Variants in INPP5D observed in about 807,000 individuals in gnomAD.
INPP5D encodes inositol polyphosphate-5-phosphatase D.
A neutral mutation model predicts 122.9 loss-of-function variants in INPP5D; 33 were observed. The observed-to-expected ratio is 0.27, with a 90% CI of 0.20 to 0.36. The LOEUF (loss-of-function observed/expected upper bound fraction) is 0.36, where lower values mean the gene tolerates loss of function less well. Among genes scored for constraint, INPP5D ranks in the 10% least tolerant of loss-of-function variants. INPP5D has a pLI of 1.00. For synonymous variants in INPP5D, 584 were observed against 576.2 expected (o/e 1.01, Z -0.19); for missense variants, 1,053 against 1,412.7 (o/e 0.75, Z 4.08).
At position 233,125,936 on chromosome 2, in the gene INPP5D, G is replaced by C. The variant is rs1426324969; in HGVS notation, c.524+17G>C. 6.2e-7 allele frequency: 1 copy of C among 1,609,344 alleles called. No individual in the cohort carries two copies. The highest frequency in any genetic ancestry group is 8.5e-7 in the Non-Finnish European group (1 of 1,177,540). ...CACCAGTGGGTGAGTCCCCACTCAA[G>C]TCCAGCTGGGCCTTCATCTGCAGTG... On this transcript the variant is annotated intron_variant, in intron 4 of 26. Coordinates refer to ENST00000445964, the MANE Select transcript of INPP5D (RefSeq NM_001017915.3).
Position 233,164,213 on chromosome 2 carries a change from C to T in INPP5D, c.1438-94C>T, listed in dbSNP as rs1017760169. 5.4e-6 allele frequency: 8 copies of T among 1,470,498 alleles called. No homozygotes were observed. In the African/African-American group the frequency reaches 9.8e-5, roughly 18 times the overall value. 91.1% of individuals were successfully genotyped at this position (1,470,498 alleles called of 1,614,324 possible). A position where few individuals can be genotyped will look rare whatever the true frequency, so the allele number is the denominator to read the frequency against. On this transcript the variant is annotated intron_variant, in intron 12 of 26. Transcript: ENST00000445964. This position sits in a 1 kb window ranked among gnomAD's most constrained non-coding sequence, Gnocchi z 4.3. ...GGGATTACAGACAGGATACCCCATA[C>T]CCAGGGGCTGCGGCTGGGGCTGGGT...
At chr2:233,111,248 A>T (rs543716683) in intron 2 of INPP5D, among the ~76,000 whole-genome samples, 14 of 152,178 alleles carry the variant, frequency 9.2e-5, no homozygotes, top group African/African-American at 3.4e-4. Flanking sequence ...ATGAAACACC[A>T]CCATCTAATT....
intron 4 of INPP5D, 92 bp downstream of exon 4, chr2:233,126,011 G>T: frequency 7.8e-7 from 1 of 1,278,560 alleles, no homozygotes; most frequent in Non-Finnish European, 1.1e-6. Flanking sequence ...CCTAGTTATG[G>T]GCCTGGTGAC....
At chr2:233,066,767 C>T (rs1057321652) in intron 1 of INPP5D, among the ~76,000 whole-genome samples, 4 of 149,784 alleles carry the variant, frequency 2.7e-5, no homozygotes, top group Non-Finnish European at 3.0e-5. Context: ...CCACCATGCC[C>T]GGCTAATTTT....
intron 22 of INPP5D, among the ~76,000 whole-genome samples, chr2:233,191,047 C>T (rs1448704982): frequency 6.6e-6 from 1 of 152,128 alleles, no homozygotes; most frequent in African/African-American, 2.4e-5. Context: ...GGGAAAGGGT[C>T]TGTATTAGTC....
chr2:233,193,418 C>G (rs1214971951), intron 22 of INPP5D, among the ~76,000 whole-genome samples: 1 of 152,210 alleles, frequency 6.6e-6, no homozygotes, highest in African/African-American at 2.4e-5. Context: ...GCTGCAGATA[C>G]TGTTCCCAAT....
chr2:233,192,402 C>T (rs1396649705), intron 22 of INPP5D, among the ~76,000 whole-genome samples: 1 of 152,158 alleles, frequency 6.6e-6, no homozygotes, highest in Non-Finnish European at 1.5e-5. Context: ...CAGTCTCATT[C>T]CAGTAATCAT....
intron 1 of INPP5D, among the ~76,000 whole-genome samples, chr2:233,070,787 C>G (rs879327411): frequency 1.3e-5 from 2 of 152,094 alleles, no homozygotes; most frequent in African/African-American, 2.4e-5. Flanking sequence ...GTTCCCCTTT[C>G]GAAAACCAGT....
intron 17 of INPP5D, among the ~76,000 whole-genome samples, chr2:233,174,251 T>C (rs1694564137): frequency 6.6e-6 from 1 of 152,280 alleles, no homozygotes; most frequent in Non-Finnish European, 1.5e-5. Flanking sequence ...TGTACTGTTA[T>C]GCTTTTACAC....
intron 22 of INPP5D, 127 bp downstream of exon 22, chr2:233,190,064 G>A (rs1305215523): frequency 1.4e-6 from 2 of 1,406,388 alleles, no homozygotes; most frequent in African/African-American, 2.9e-5. Context: ...CTCATCCCAG[G>A]GCTGCTAGTG....
intron 1 of INPP5D, 140 bp downstream of exon 1, chr2:233,060,752 T>A: frequency 1.6e-6 from 2 of 1,220,732 alleles, no homozygotes; most frequent in Non-Finnish European, 2.3e-6. Context: ...GTCATGGACC[T>A]TGTCCTTGGA....
intron 1 of INPP5D, among the ~76,000 whole-genome samples, chr2:233,061,196 G>C (rs796663293): frequency 6.6e-6 from 1 of 152,008 alleles, no homozygotes. Context: ...TCTCTCTCCT[G>C]AGCACTTGGC....
intron 2 of INPP5D, among the ~76,000 whole-genome samples, chr2:233,084,340 C>A (rs1440335902): frequency 1.3e-5 from 2 of 152,374 alleles, no homozygotes; most frequent in African/African-American, 2.4e-5. Context: ...CAGGCGTGAG[C>A]CACCATGCCC....
intron 24 of INPP5D, 26 bp downstream of exon 24, chr2:233,195,521 G>T: frequency 6.3e-7 from 1 of 1,574,938 alleles, no homozygotes. Context: ...GGTGGGTGTT[G>T]GGGGGGGTGG....
chr2:233,127,344 C>T (rs1693192018), intron 4 of INPP5D, among the ~76,000 whole-genome samples: 1 of 152,244 alleles, frequency 6.6e-6, no homozygotes, highest in Non-Finnish European at 1.5e-5. Flanking sequence ...AGCGGCGACA[C>T]AGAGCCGCCC....
In INPP5D at chr2:233,182,488, T is replaced by C; in HGVS notation, c.2150T>C (p.Val717Ala). Residue 717 changes from valine to alanine, a missense_variant, in exon 19 of 27, where the codon GTC becomes GCC. Transcript: ENST00000445964. The part of the protein sequence containing the change: ...TFEAGVTSQF[V>A]SKNGPGTVDS... Reference sequence around the variant, plus strand: ...GAGGCAGGAGTCACTTCCCAGTTTGTCTCCAAGAACGGTAAGCAAAGGATG... The same window carrying C: ...GAGGCAGGAGTCACTTCCCAGTTTGCCTCCAAGAACGGTAAGCAAAGGATG... 1 of 1,613,464 alleles carries C rather than the reference T, an allele frequency of 6.2e-7. No individual in the cohort carries two copies. The highest frequency in any genetic ancestry group is 1.3e-5 in the African/African-American group (1 of 75,048).
At chr2:233,201,448 G>C (rs1357971252) in intron 25 of INPP5D, among the ~76,000 whole-genome samples, 4 of 152,212 alleles carry the variant, frequency 2.6e-5, no homozygotes, top group Non-Finnish European at 5.9e-5. Flanking sequence ...GGCCCCCAGG[G>C]TACGCTTCTA....
At chr2:233,145,978 A>G (rs767318599) in intron 6 of INPP5D, 184 bp from the exon 7 acceptor site, 8 of 700,036 alleles carry the variant, frequency 1.1e-5, no homozygotes, top group Admixed American at 2.0e-5. Context: ...TTTTTTGGCC[A>G]TGTGAATTCT....
chr2:233,182,304 G>T, intron 18 of INPP5D, 106 bp from the exon 19 acceptor site: 1 of 1,523,790 alleles, frequency 6.6e-7, no homozygotes, highest in East Asian at 2.4e-5. Flanking sequence ...TCGCACTTCT[G>T]GAGGGCTCCA....
Sources: gnomAD v4.1 joint callset for allele counts (sites outside exome capture counted in the v4.1 genomes callset) on GRCh38, gnomAD v4.1.1 for gene constraint, Gnocchi (gnomAD v3.1) non-coding constraint, MANE v1.5 for transcripts, NCBI Gene and HGNC (gene_info 2026-07-23, HGNC 2026-07-21) for gene names.